GPR155: variants seen among roughly 807,000 people sequenced by gnomAD.
GPR155 encodes the protein G protein-coupled receptor 155.
Under a neutral mutation model 93.1 loss-of-function variants are expected in GPR155, and 65 were observed. That is an observed-to-expected ratio of 0.70 (90% CI 0.57 to 0.86). GPR155 has a LOEUF of 0.86. GPR155 is among the 40% of genes least tolerant of loss of function. GPR155 has a pLI of 0.00. For synonymous variants in GPR155, 319 were observed against 360.1 expected (o/e 0.89, Z 1.29); for missense variants, 838 against 1,034.8 (o/e 0.81, Z 2.61).
intron 2 of GPR155, among the ~76,000 whole-genome samples, chr2:174,479,873 A>G (rs945936828): frequency 1.3e-5 from 2 of 152,148 alleles, no homozygotes; most frequent in Non-Finnish European, 2.9e-5. Context: ...ACACCTATCT[A>G]GTTTCTGACT....
At chr2:174,473,927 G>A (rs568615106) in intron 2 of GPR155, among the ~76,000 whole-genome samples, 38 of 152,294 alleles carry the variant, frequency 2.5e-4, no homozygotes, top group African/African-American at 8.7e-4. Flanking sequence ...AGTTGGAAGT[G>A]CGGGAGTTCA....
chr2:174,463,111 C>CT (rs991808366), intron 7 of GPR155, among the ~76,000 whole-genome samples: 11 of 114,264 alleles, frequency 9.6e-5, no homozygotes, highest in Middle Eastern at 4.7e-3. Context: ...AATTTTAAGT[C>CT]TTTTTTTTTT....
intron 2 of GPR155, among the ~76,000 whole-genome samples, chr2:174,478,370 C>T (rs1184527483): frequency 6.6e-6 from 1 of 152,130 alleles, no homozygotes; most frequent in East Asian, 1.9e-4. Context: ...CAGGCTTGTA[C>T]CACACCTGGC....
intron 12 of GPR155, 84 bp downstream of exon 12, chr2:174,446,527 T>G: frequency 1.5e-6 from 2 of 1,331,302 alleles, no homozygotes; most frequent in African/African-American, 3.0e-5. Context: ...AAGCAGCAAC[T>G]AAGTTTTTCC....
rs919807219 is a variant in GPR155 at position 174,433,577 on chromosome 2, T to G, written c.*2539A>C. 6 of 152,150 alleles carry G rather than the reference T, an allele frequency of 3.9e-5. No homozygotes were observed. Among genetic ancestry groups the G allele is most frequent in the African/African-American group, 1.4e-4 (6 of 41,434 alleles). The allele number at this position is 152,150 out of a possible 1,614,324, so 9.4% of individuals were successfully genotyped here. A position where few individuals can be genotyped will look rare whatever the true frequency, so the allele number is the denominator to read the frequency against. On this transcript the variant is annotated 3_prime_UTR_variant, in exon 16 of 16. Coordinates refer to ENST00000392552, the MANE Select transcript of GPR155 (RefSeq NM_152529.7). Reference sequence around the variant, plus strand: ...TAAAGTTGAAGTCACATCCTCAATGTGTTAGTATTAGGAGGTAGGGCCTTT... The same window carrying G: ...TAAAGTTGAAGTCACATCCTCAATGGGTTAGTATTAGGAGGTAGGGCCTTT...
chr2:174,445,924 T>A (rs1161693338), intron 12 of GPR155, among the ~76,000 whole-genome samples: 2 of 152,030 alleles, frequency 1.3e-5, no homozygotes, highest in Non-Finnish European at 2.9e-5. Context: ...ACACTGAGGT[T>A]TCATGTTCTG....
rs144590694 is a variant in GPR155, at chr2:174,442,639, G to T, written c.2110-456C>A. 8.5e-3 allele frequency among the ~76,000 whole-genome samples: 1,292 copies of T among 152,330 alleles called. 14 individuals are homozygous for T. The highest frequency in any genetic ancestry group is 0.011 in the Non-Finnish European group (737 of 68,030). ...AAACTGGCTAGTGGTTAGGAGAAGAGTTCAAGGATTTGTGAGTGTCAAGGC... is the reference window on the plus strand; with the variant it reads ...AAACTGGCTAGTGGTTAGGAGAAGATTTCAAGGATTTGTGAGTGTCAAGGC... On this transcript the variant is annotated intron_variant, in intron 13 of 15. Coordinates refer to ENST00000392552, the MANE Select transcript of GPR155 (RefSeq NM_152529.7).
At chr2:174,460,899 GA>G in intron 9 of GPR155, among the ~76,000 whole-genome samples, 1 of 151,818 alleles carries the variant, frequency 6.6e-6, no homozygotes, top group East Asian at 1.9e-4. Flanking sequence ...TTGCAAAACA[GA>G]AAAAAAGAGT....
intron 2 of GPR155, among the ~76,000 whole-genome samples, chr2:174,475,572 C>T (rs1409802278): frequency 2.0e-5 from 3 of 152,094 alleles, no homozygotes; most frequent in African/African-American, 7.2e-5. Flanking sequence ...CAAAATGAAG[C>T]AGTGGCTAAA....
Position 174,450,685 on chromosome 2 carries a change from A to AT in GPR155, c.1876+3051dup, listed in dbSNP as rs1014325225. 2.6e-5 allele frequency among the ~76,000 whole-genome samples: 4 copies of AT among 152,202 alleles called. 1 individual carries two copies. The highest frequency in any genetic ancestry group is 3.9e-4 in the East Asian group (2 of 5,186). ...TATGGGAGCAAAAGCAAAGAAAAAC[A>AT]TTTTTTTTACAAAATAGATGTCTAG... On this transcript the variant is annotated intron_variant, in intron 11 of 15. Transcript: ENST00000392552.
chr2:174,447,480 G>A (rs11901689), intron 11 of GPR155, among the ~76,000 whole-genome samples: 33,195 of 143,178 alleles, frequency 0.23, 5,210 homozygotes, highest in East Asian at 0.68. Context: ...TGTTATAAAT[G>A]TATATTATAT....
At position 174,436,490 on chromosome 2, in the gene GPR155, G is replaced by GA. The variant is rs1185480430; in HGVS notation, c.2313-75dup. ...GCACTGCATGATAGAGGACAAGCAA[G>GA]AAAAAATAGAAGGAAACAAGGAAAG... On this transcript the variant is annotated intron_variant, in intron 15 of 15. Coordinates refer to ENST00000392552, the MANE Select transcript of GPR155 (RefSeq NM_152529.7). 18 of 1,353,364 alleles carry GA rather than the reference G, an allele frequency of 1.3e-5. No individual in the cohort carries two copies. The East Asian group carries it at 3.7e-4, about 28-fold the overall frequency. The allele number at this position is 1,353,364 out of a possible 1,614,324, so 83.8% of individuals were successfully genotyped here.
intron 11 of GPR155, among the ~76,000 whole-genome samples, chr2:174,449,115 G>A (rs1055943830): frequency 1.3e-5 from 2 of 151,754 alleles, no homozygotes; most frequent in Non-Finnish European, 2.9e-5. Flanking sequence ...ACATACAAGC[G>A]GCCAACAAAC....
intron 15 of GPR155, among the ~76,000 whole-genome samples, chr2:174,437,214 T>C (rs990594626): frequency 6.6e-5 from 10 of 152,124 alleles, no homozygotes; most frequent in African/African-American, 1.2e-4. Context: ...ACACTATAGA[T>C]AGACAACATG....
chr2:174,452,311 T>C (rs577642989), intron 11 of GPR155, among the ~76,000 whole-genome samples: 2 of 152,324 alleles, frequency 1.3e-5, no homozygotes, highest in Non-Finnish European at 2.9e-5. Context: ...GATAGCCAAA[T>C]ATAAATCCCA....
At chr2:174,486,780 G>C (rs1025702699) in intron 1 of GPR155, 93 bp downstream of exon 1, 1 of 153,186 alleles carries the variant, frequency 6.5e-6, no homozygotes, top group Admixed American at 6.5e-5. Flanking sequence ...GGCTGCCCAC[G>C]TGCCCAGGCC....
rs116375658 is a variant in GPR155 at position 174,447,986 on chromosome 2, A to G, written c.1877-1239T>C. 7.2e-3 allele frequency among the ~76,000 whole-genome samples: 1,100 copies of G among 152,128 alleles called. 11 individuals are homozygous for G. Among genetic ancestry groups the G allele is most frequent in the African/African-American group, 0.026 (1,061 of 41,508 alleles). ...TTGGCTAACTGTGAAACAAATTATT[A>G]TTATCTCTTAACCTCTCATTAAAGA... On this transcript the variant is annotated intron_variant, in intron 11 of 15. Coordinates refer to ENST00000392552, the MANE Select transcript of GPR155 (RefSeq NM_152529.7).
rs1686755210 is a variant in GPR155, at chr2:174,435,629, A to T, written c.*487T>A. ...TGGGATTACAGGCACCCGCCACCAC[A>T]CCCAACTAATTTTTTGTATTTTATA... On this transcript the variant is annotated 3_prime_UTR_variant, in exon 16 of 16. Transcript: ENST00000392552. The T allele has an allele frequency of 1.3e-5, 2 of 152,526 alleles. No homozygotes were observed. Among genetic ancestry groups the T allele is most frequent in the Non-Finnish European group, 2.9e-5 (2 of 68,522 alleles). 9.4% of individuals were successfully genotyped at this position (152,526 alleles called of 1,614,324 possible).
At chr2:174,480,744 A>G (rs1192302041) in intron 2 of GPR155, among the ~76,000 whole-genome samples, 1 of 152,200 alleles carries the variant, frequency 6.6e-6, no homozygotes, top group East Asian at 1.9e-4. Flanking sequence ...AATACATTAA[A>G]ATTTTGAATA....
Sources: allele counts gnomAD v4.1 joint callset (sites outside exome capture counted in the v4.1 genomes callset), GRCh38; gene constraint gnomAD v4.1.1; transcripts MANE v1.5; gene names NCBI Gene and HGNC (gene_info 2026-07-23, HGNC 2026-07-21).